ASCC3: variants seen among roughly 807,000 people sequenced by gnomAD.
ASCC3 encodes the protein ASC-1 complex subunit P200.
Under a neutral mutation model 256.3 loss-of-function variants are expected in ASCC3, and 158 were observed. The observed-to-expected ratio is 0.62, with a 90% CI of 0.54 to 0.70. ASCC3 has a LOEUF of 0.70. ASCC3 is among the 30% of genes least tolerant of loss of function. ASCC3 has a pLI of 0.00. For synonymous variants in ASCC3, 948 were observed against 883.4 expected, an observed-to-expected ratio of 1.07 and a Z score of -1.30; for missense variants, 2,259 against 2,626.0, an observed-to-expected ratio of 0.86 and a Z score of 3.05.
intron 16 of ASCC3, among the ~76,000 whole-genome samples, chr6:100,658,790 A>C (rs535626732): frequency 3.8e-4 from 58 of 151,490 alleles, no homozygotes; most frequent in Non-Finnish European, 7.4e-4. Flanking sequence ...CAAGGTGTTT[A>C]CCTGACATTC....
chr6:100,789,585 T>C (rs1387825823), intron 8 of ASCC3, among the ~76,000 whole-genome samples: 1 of 151,976 alleles, frequency 6.6e-6, no homozygotes, highest in Non-Finnish European at 1.5e-5. Flanking sequence ...TTCATCTATG[T>C]TTAATAATTT....
intron 34 of ASCC3, among the ~76,000 whole-genome samples, chr6:100,592,440 CATTT>C (rs1772051471): frequency 6.6e-6 from 1 of 151,818 alleles, no homozygotes. Context: ...ATTCTAAAGT[CATTT>C]AAAATATTTT....
At chr6:100,517,935 A>G in intron 38 of ASCC3, 56 bp downstream of exon 38, 1 of 1,575,708 alleles carries the variant, frequency 6.3e-7, no homozygotes, top group Non-Finnish European at 8.7e-7. Flanking sequence ...ACATATATAA[A>G]AAATATTTTT....
chr6:100,576,646 T>C (rs1770878161), intron 36 of ASCC3, among the ~76,000 whole-genome samples: 3 of 152,030 alleles, frequency 2.0e-5, no homozygotes, highest in Admixed American at 1.3e-4. Flanking sequence ...ATAAACTGCC[T>C]AGCATGTAGT....
intron 27 of ASCC3, 80 bp downstream of exon 27, chr6:100,628,935 C>T: frequency 8.1e-7 from 1 of 1,228,998 alleles, no homozygotes; most frequent in South Asian, 1.4e-5. Context: ...ATAAATATTA[C>T]ATGCAAATTA....
intron 1 of ASCC3, among the ~76,000 whole-genome samples, chr6:100,875,544 T>C (rs1343441793): frequency 6.6e-6 from 1 of 152,074 alleles, no homozygotes; most frequent in African/African-American, 2.4e-5. Context: ...AAAACAGACA[T>C]ACATACATAT....
At chr6:100,809,066 T>C (rs1341421192) in intron 4 of ASCC3, among the ~76,000 whole-genome samples, 1 of 151,970 alleles carries the variant, frequency 6.6e-6, no homozygotes, top group African/African-American at 2.4e-5. Flanking sequence ...ATTACTCTAG[T>C]TGAGTCAGTG....
intron 36 of ASCC3, among the ~76,000 whole-genome samples, chr6:100,589,273 C>T (rs1043395363): frequency 3.3e-5 from 5 of 152,028 alleles, no homozygotes; most frequent in Non-Finnish European, 4.4e-5. Context: ...GCTAAGTATT[C>T]AACAGGAACT....
chr6:100,541,123 C>T (rs189620294), intron 36 of ASCC3, among the ~76,000 whole-genome samples: 1 of 152,030 alleles, frequency 6.6e-6, no homozygotes, highest in Admixed American at 6.5e-5. Flanking sequence ...TATTTATTAG[C>T]GTTTGTTGTG....
At chr6:100,875,163 G>A (rs928924726) in intron 1 of ASCC3, among the ~76,000 whole-genome samples, 1 of 129,466 alleles carries the variant, frequency 7.7e-6, no homozygotes, top group African/African-American at 2.5e-5. Context: ...AGACAGAGAG[G>A]ATAGAATTAA....
At chr6:100,765,949 A>G (rs1423089593) in intron 10 of ASCC3, among the ~76,000 whole-genome samples, 2 of 152,156 alleles carry the variant, frequency 1.3e-5, no homozygotes, top group South Asian at 2.1e-4. Context: ...TAAAAACACA[A>G]TGAACTTCAC....
intron 16 of ASCC3, among the ~76,000 whole-genome samples, chr6:100,656,932 A>G (rs1775940694): frequency 6.6e-6 from 1 of 151,038 alleles, no homozygotes; most frequent in Admixed American, 6.6e-5. Context: ...TATTAATTTT[A>G]GGAGAAAAAA....
chr6:100,634,191 T>A (rs1774707594), intron 25 of ASCC3, among the ~76,000 whole-genome samples: 1 of 152,210 alleles, frequency 6.6e-6, no homozygotes, highest in Non-Finnish European at 1.5e-5. Context: ...TGTATAGTGA[T>A]CAGATCAGGG....
intron 10 of ASCC3, among the ~76,000 whole-genome samples, chr6:100,736,957 G>A (rs1009303065): frequency 6.6e-6 from 1 of 152,258 alleles, no homozygotes; most frequent in South Asian, 2.1e-4. Flanking sequence ...AGACCAGCCT[G>A]GGCAATACAG....
chr6:100,783,409 T>C (rs927080669), intron 8 of ASCC3, among the ~76,000 whole-genome samples: 5 of 152,170 alleles, frequency 3.3e-5, no homozygotes, highest in African/African-American at 9.7e-5. Context: ...GAGGACCAGA[T>C]CTGTTATTAA....
At chr6:100,562,231 C>A (rs1769992264) in intron 36 of ASCC3, among the ~76,000 whole-genome samples, 1 of 151,944 alleles carries the variant, frequency 6.6e-6, no homozygotes, top group South Asian at 2.1e-4. Flanking sequence ...AGACCATTTC[C>A]ATGTATTTTA....
intron 16 of ASCC3, 81 bp downstream of exon 16, chr6:100,661,725 G>A: frequency 7.0e-7 from 1 of 1,432,678 alleles, no homozygotes; most frequent in Middle Eastern, 1.8e-4. Flanking sequence ...CTACAAAACA[G>A]CAACCAACTC....
intron 32 of ASCC3, 46 bp from the exon 33 acceptor site, chr6:100,605,746 C>A: frequency 6.3e-7 from 1 of 1,590,362 alleles, no homozygotes; most frequent in Non-Finnish European, 8.6e-7. Flanking sequence ...TGGCATATAG[C>A]ACAAGGTATA....
chr6:100,529,913 G>C (rs1270190725), intron 37 of ASCC3, among the ~76,000 whole-genome samples: 1 of 151,724 alleles, frequency 6.6e-6, no homozygotes, highest in East Asian at 1.9e-4. Flanking sequence ...CTGATACGAA[G>C]AAAGCCCTCA....
Sources: allele counts gnomAD v4.1 joint callset (sites outside exome capture counted in the v4.1 genomes callset), GRCh38; gene constraint gnomAD v4.1.1; transcripts MANE v1.5; gene names NCBI Gene and HGNC (gene_info 2026-07-23, HGNC 2026-07-21).